The following CSMD1 variants were observed in gnomAD, a reference collection of about 807,000 sequenced individuals.
CSMD1 encodes the protein CUB and sushi domain-containing protein 1.
CSMD1 carries 213 observed loss-of-function variants against 417.5 expected under a neutral mutation model. The ratio of observed to expected loss-of-function variants is 0.51; its 90% CI spans 0.46 to 0.57. CSMD1 has a LOEUF of 0.57. CSMD1 is among the 20% of genes least tolerant of loss of function. The probability of loss-of-function intolerance (pLI) is 0.00; values close to 1 mark genes in which losing one functional copy is unlikely to be tolerated. For synonymous variants in CSMD1, 2,862 were observed against 1,736.8 expected, an observed-to-expected ratio of 1.65 and a Z score of -16.11; for missense variants, 6,923 against 4,529.7, an observed-to-expected ratio of 1.53 and a Z score of -15.17.
chr8:3,966,241 A>G (rs978338743), intron 5 of CSMD1, among the ~76,000 whole-genome samples: 1 of 152,204 alleles, frequency 6.6e-6, no homozygotes, highest in Non-Finnish European at 1.5e-5. Flanking sequence ...ATTTCCGCCC[A>G]TATTTAATCA....
intron 1 of CSMD1, among the ~76,000 whole-genome samples, chr8:4,959,250 T>C (rs1186840771): frequency 6.6e-6 from 1 of 152,190 alleles, no homozygotes; most frequent in African/African-American, 2.4e-5. Flanking sequence ...AAATGGATTC[T>C]GGGGTCATAT....
Position 4,044,549 on chromosome 8 carries a change from G to C in CSMD1, c.416-12450C>G, listed in dbSNP as rs1031553235. Among the ~76,000 whole-genome samples, 5 of 152,308 alleles carry C rather than the reference G, an allele frequency of 3.3e-5. No homozygotes were observed. The South Asian group carries it at 1.0e-3, about 32-fold the overall frequency. On this transcript the variant is annotated intron_variant, in intron 3 of 69. Transcript: ENST00000635120. Reference sequence around the variant, plus strand: ...GAGCAGGACACTTCATTCCATCTGTGATTCTACCACGGCAGAGCTCGGTCA... The same window carrying C: ...GAGCAGGACACTTCATTCCATCTGTCATTCTACCACGGCAGAGCTCGGTCA...
At chr8:4,685,853 TAA>T (rs2116736003) in intron 1 of CSMD1, among the ~76,000 whole-genome samples, 1 of 152,350 alleles carries the variant, frequency 6.6e-6, no homozygotes, top group East Asian at 1.9e-4. Context: ...ATAGGTTTGC[TAA>T]AAGAGAGGTT....
At chr8:4,268,693 T>G (rs972443239) in intron 3 of CSMD1, among the ~76,000 whole-genome samples, 1 of 152,040 alleles carries the variant, frequency 6.6e-6, no homozygotes, top group Non-Finnish European at 1.5e-5. Flanking sequence ...TATATGTGTA[T>G]CTCAATTTTT....
At chr8:4,975,649 C>A (rs1810509504) in intron 1 of CSMD1, among the ~76,000 whole-genome samples, 1 of 152,128 alleles carries the variant, frequency 6.6e-6, no homozygotes, top group Admixed American at 6.5e-5. Context: ...AGGTGTTACT[C>A]TGAAGTGAGG....
At position 3,575,065 on chromosome 8, in the gene CSMD1, C is replaced by G. The variant is rs776773060; in HGVS notation, c.1224G>C (p.Ala408=). The change falls in exon 10 of 70, where the codon GCG becomes GCC. Residue 408 remains alanine (A), a splice_region_variant and synonymous_variant. Coordinates refer to ENST00000635120, the MANE Select transcript of CSMD1 (RefSeq NM_033225.6). ...AWSDHRPICR[A]RTCGSNLRGP... ...CACGCAGATTGGATCCACATGTTCT[C>G]GCTGGAAACACATAGAAACGACGTT... 20 of 1,612,372 alleles carry G rather than the reference C, an allele frequency of 1.2e-5. No individual in the cohort carries two copies. Among genetic ancestry groups the G allele is most frequent in the Admixed American group, 1.0e-4 (6 of 59,904 alleles).
chr8:3,452,207 A>T (rs1815774724), intron 12 of CSMD1, among the ~76,000 whole-genome samples: 1 of 152,238 alleles, frequency 6.6e-6, no homozygotes, highest in Non-Finnish European at 1.5e-5. Context: ...CAGCTTAAGG[A>T]GATTTTGGGC....
chr8:4,182,935 A>T (rs1302371879), intron 3 of CSMD1, among the ~76,000 whole-genome samples: 1 of 152,184 alleles, frequency 6.6e-6, no homozygotes, highest in Admixed American at 6.5e-5. Context: ...AATCTCAATT[A>T]GCAAATGAAG....
At chr8:4,077,987 C>G (rs747006440) in intron 3 of CSMD1, among the ~76,000 whole-genome samples, 188 of 152,092 alleles carry the variant, frequency 1.2e-3, no homozygotes, top group Non-Finnish European at 2.4e-3. Context: ...TCCGATTCCT[C>G]TTTCATCTCT....
rs534329915 is a variant in CSMD1 at position 4,647,830 on chromosome 8, G to A, written c.86-10272C>T. 3.3e-5 allele frequency among the ~76,000 whole-genome samples: 5 copies of A among 152,296 alleles called. 1 individual carries two copies. Among genetic ancestry groups the A allele is most frequent in the South Asian group, 4.1e-4 (2 of 4,824 alleles). On this transcript the variant is annotated intron_variant, in intron 1 of 69. Coordinates refer to ENST00000635120, the MANE Select transcript of CSMD1 (RefSeq NM_033225.6). ...CCAGTCTATCACTGATGGGCGTTTGGGTTGGTTCCAAGTCTTTGCTATTGT... is the reference window on the plus strand; with the variant it reads ...CCAGTCTATCACTGATGGGCGTTTGAGTTGGTTCCAAGTCTTTGCTATTGT...
At chr8:3,669,298 G>C (rs373822332) in intron 7 of CSMD1, among the ~76,000 whole-genome samples, 2 of 152,150 alleles carry the variant, frequency 1.3e-5, no homozygotes, top group African/African-American at 4.8e-5. Context: ...TTTTGTCATT[G>C]TGTTGCCTGT....
At chr8:4,240,596 T>C (rs1354793824) in intron 3 of CSMD1, among the ~76,000 whole-genome samples, 1 of 152,196 alleles carries the variant, frequency 6.6e-6, no homozygotes, top group Non-Finnish European at 1.5e-5. Context: ...CAAAATGAAC[T>C]CCTTTCACAC....
At chr8:3,671,601 T>C (rs374899249) in intron 7 of CSMD1, among the ~76,000 whole-genome samples, 10,476 of 112,484 alleles carry the variant, frequency 0.093, 1,047 homozygotes, top group Non-Finnish European at 0.11. Context: ...ATATGATTAG[T>C]TCTATCTCTT....
intron 26 of CSMD1, among the ~76,000 whole-genome samples, chr8:3,261,738 G>C (rs1414601051): frequency 6.6e-6 from 1 of 152,024 alleles, no homozygotes; most frequent in Non-Finnish European, 1.5e-5. Flanking sequence ...TGAATGAAGA[G>C]GCCAGTCCGA....
intron 10 of CSMD1, among the ~76,000 whole-genome samples, chr8:3,519,730 G>C (rs1262647363): frequency 6.6e-6 from 1 of 152,060 alleles, no homozygotes; most frequent in East Asian, 1.9e-4. Flanking sequence ...ATGGGGTTGT[G>C]TTTTCTGTGA....
intron 5 of CSMD1, among the ~76,000 whole-genome samples, chr8:3,882,326 A>G (rs536055434): frequency 1.3e-5 from 2 of 152,338 alleles, no homozygotes; most frequent in South Asian, 4.1e-4. Context: ...AGTCAGATAA[A>G]TTCAAATAAA....
chr8:3,247,253 G>C (rs1411839006), intron 26 of CSMD1, among the ~76,000 whole-genome samples: 1 of 152,178 alleles, frequency 6.6e-6, no homozygotes, highest in Non-Finnish European at 1.5e-5. Context: ...AGCGATGTGG[G>C]TGGTAGCTGT....
At chr8:4,555,258 C>CT (rs1798036391) in intron 2 of CSMD1, among the ~76,000 whole-genome samples, 1 of 152,098 alleles carries the variant, frequency 6.6e-6, no homozygotes, top group Non-Finnish European at 1.5e-5. Flanking sequence ...GAGGAGATGG[C>CT]TGTTCGGTCA....
chr8:4,321,175 G>T (rs752147928), intron 3 of CSMD1, among the ~76,000 whole-genome samples: 1 of 152,056 alleles, frequency 6.6e-6, no homozygotes, highest in South Asian at 2.1e-4. Context: ...CTCGCACAGT[G>T]ATCAAAGTGT....
Sources: gnomAD v4.1 joint callset for allele counts (sites outside exome capture counted in the v4.1 genomes callset) on GRCh38, gnomAD v4.1.1 for gene constraint, MANE v1.5 for transcripts, NCBI Gene and HGNC (gene_info 2026-07-23, HGNC 2026-07-21) for gene names.